Variants in PHKA1 observed in about 807,000 individuals in gnomAD.
PHKA1 encodes phosphorylase b kinase regulatory subunit alpha, skeletal muscle isoform.
A neutral mutation model predicts 110.2 loss-of-function variants in PHKA1; 60 were observed. The ratio of observed to expected loss-of-function variants is 0.54; its 90% CI spans 0.44 to 0.68. PHKA1 has a LOEUF of 0.68. PHKA1 is among the 30% of genes least tolerant of loss of function. The pLI is 0.00. For synonymous variants in PHKA1, 316 were observed against 333.6 expected, an observed-to-expected ratio of 0.95 and a Z score of 0.58; for missense variants, 801 against 942.5, an observed-to-expected ratio of 0.85 and a Z score of 1.97.
intron 3 of PHKA1, among the ~76,000 whole-genome samples, chrX:72,698,603 A>G (rs782344086): frequency 3.6e-5 from 4 of 112,615 alleles, no homozygotes; most frequent in Non-Finnish European, 7.5e-5. Flanking sequence ...TTGCTTGTGT[A>G]ATTTTTAATA....
chrX:72,582,728 T>G (rs371575006), intron 30 of PHKA1, 130 bp from the exon 31 acceptor site: 8 of 520,828 alleles, frequency 1.5e-5, no homozygotes, highest in African/African-American at 7.0e-5. Context: ...AATAACTGAG[T>G]GAGTAAACTG....
chrX:72,705,183 T>A lies in PHKA1; in HGVS notation c.285+15A>T. 2 of 1,136,550 alleles carry A rather than the reference T, an allele frequency of 1.8e-6. No homozygotes were observed. Among genetic ancestry groups the A allele is most frequent in the Non-Finnish European group, 2.4e-6 (2 of 830,240 alleles). The allele number at this position is 1,136,550 out of a possible 1,213,427, so 93.7% of individuals were successfully genotyped here. A position where few individuals can be genotyped will look rare whatever the true frequency, so the allele number is the denominator to read the frequency against. On this transcript the variant is annotated intron_variant, in intron 3 of 31. Transcript: ENST00000373542. ...TGTGCTTTTATTAGAGAGGAAGGTG[T>A]TATCAATACCATACCTGTCTGATCA...
intron 12 of PHKA1, among the ~76,000 whole-genome samples, chrX:72,651,962 T>C (rs1556299307): frequency 9.0e-6 from 1 of 111,150 alleles, no homozygotes; most frequent in Non-Finnish European, 1.9e-5. Flanking sequence ...GCTCAAAATG[T>C]CACAAAGAAG....
intron 2 of PHKA1, among the ~76,000 whole-genome samples, chrX:72,709,962 A>C (rs920978293): frequency 1.8e-4 from 19 of 105,700 alleles, no homozygotes; most frequent in Non-Finnish European, 3.1e-4. Flanking sequence ...GAATCGCTTG[A>C]ACCTGGGAGA....
intron 18 of PHKA1, 56 bp downstream of exon 18, chrX:72,623,053 A>G: frequency 1.7e-6 from 2 of 1,206,469 alleles, no homozygotes; most frequent in Non-Finnish European, 2.2e-6. Flanking sequence ...GGATGGTGCT[A>G]AACAATATTT....
Position 72,602,013 on chromosome X carries a change from A to G in PHKA1, c.3050T>C (p.Leu1017Pro), listed in dbSNP as rs1556243720. Residue 1017 changes from leucine (L) to proline (P), a missense_variant, in exon 28 of 32, where the codon CTG (leucine) becomes CCG (proline). By Grantham distance (98) the Leu-to-Pro change is moderately conservative (BLOSUM62 -3). Around this residue, in one of 2 missense-constraint regions of PHKA1, gnomAD observed 502 missense variants for 519.2 expected, o/e 0.97. Coordinates refer to ENST00000373542, the MANE Select transcript of PHKA1 (RefSeq NM_002637.4). ...CACCTGACTCTCAGCTGAGATTGACAGTCTACGAAATTCCACCTGAAACAT... is the reference window on the plus strand; with the variant it reads ...CACCTGACTCTCAGCTGAGATTGACGGTCTACGAAATTCCACCTGAAACAT... ...SEIKQVEFRR[L>P]SISAESQSPG... The G allele has an allele frequency of 1.7e-6, 2 of 1,199,179 alleles. No individual in the cohort carries two copies. The highest frequency in any genetic ancestry group is 2.3e-6 in the Non-Finnish European group (2 of 884,957).
intron 8 of PHKA1, among the ~76,000 whole-genome samples, chrX:72,664,548 C>T (rs138524615): frequency 0.013 from 1,440 of 111,178 alleles, 17 homozygotes; most frequent in African/African-American, 0.034. Context: ...CAAAGAAATA[C>T]CAGATTTAAA....
chrX:72,689,036 A>C (rs781968428), intron 4 of PHKA1: 1 of 111,560 alleles, frequency 9.0e-6, no homozygotes, highest in Non-Finnish European at 1.9e-5. Context: ...GGGCTGGATT[A>C]GACCAAAGGT....
chrX:72,645,295 C>G (rs2053347717), intron 13 of PHKA1, among the ~76,000 whole-genome samples: 1 of 112,601 alleles, frequency 8.9e-6, no homozygotes, highest in East Asian at 2.8e-4. Flanking sequence ...ACTCCTGCTC[C>G]TCTAGTGCTG....
At chrX:72,713,035 C>A in intron 1 of PHKA1, 98 bp from the exon 2 acceptor site, 1 of 868,704 alleles carries the variant, frequency 1.2e-6, no homozygotes, top group South Asian at 2.2e-5. Flanking sequence ...TTTGGTCTTT[C>A]TTCTACTTCT....
chrX:72,626,432 T>C (rs1603258459), intron 17 of PHKA1, among the ~76,000 whole-genome samples: 1 of 111,058 alleles, frequency 9.0e-6, no homozygotes, highest in South Asian at 3.9e-4. Flanking sequence ...CTTTGAGATC[T>C]AGGCAAAGAA....
intron 6 of PHKA1, among the ~76,000 whole-genome samples, chrX:72,668,962 G>T (rs1221388236): frequency 8.9e-6 from 1 of 112,508 alleles, no homozygotes; most frequent in Non-Finnish European, 1.9e-5. Context: ...CAAAAAGAAA[G>T]CAGTAACAGG....
chrX:72,658,220 G>A (rs2053519137), intron 8 of PHKA1, among the ~76,000 whole-genome samples: 1 of 111,302 alleles, frequency 9.0e-6, no homozygotes, highest in African/African-American at 3.3e-5. Context: ...AGCACTTTGG[G>A]AGGCTGAGGC....
At chrX:72,670,451 C>T (rs1556308495) in intron 6 of PHKA1, among the ~76,000 whole-genome samples, 1 of 111,384 alleles carries the variant, frequency 9.0e-6, no homozygotes, top group Non-Finnish European at 1.9e-5. Context: ...GGATAGCTTA[C>T]CAACCAAAAA....
chrX:72,675,654 A>AATG (rs781926364), intron 6 of PHKA1, among the ~76,000 whole-genome samples: 11 of 110,276 alleles, frequency 1.0e-4, no homozygotes, highest in South Asian at 7.7e-4. Flanking sequence ...TGCTGCTGCT[A>AATG]ATGATGATGA....
At chrX:72,597,717 T>A (rs1556236190) in intron 28 of PHKA1, among the ~76,000 whole-genome samples, 4 of 111,921 alleles carry the variant, frequency 3.6e-5, no homozygotes. Context: ...AATAAATTAT[T>A]GTTGACTGTA....
At position 72,602,196 on chromosome X, in the gene PHKA1, G is replaced by A. The variant is rs1556244092; in HGVS notation, c.2995C>T (p.Arg999Ter). The change falls in exon 27 of 32, where the codon CGA becomes TGA. Residue 999 changes from arginine to a stop codon, truncating the protein, a stop_gained. Coordinates refer to ENST00000373542, the MANE Select transcript of PHKA1 (RefSeq NM_002637.4). LOFTEE classifies it high-confidence loss of function. Reference protein sequence around the residue: ...IGAVGATKTERTGIMQLKSEI... With the variant: ...IGAVGATKTE ...CTTTTTAACTGCATGATCCCAGTTC[G>A]TTCTGTTTTGGTTGCTCCAACAGCA... The A allele has an allele frequency of 5.0e-6, 6 of 1,205,348 alleles. No individual in the cohort carries two copies. The highest frequency in any genetic ancestry group is 5.6e-6 in the Non-Finnish European group (5 of 890,225).
Position 72,618,743 on chromosome X carries a change from T to C in PHKA1, c.2336A>G (p.Gln779Arg). The change falls in exon 21 of 32, where the codon CAA becomes CGA. Residue 779 changes from glutamine to arginine, a missense_variant. Physicochemically the swap from Gln to Arg is conservative, Grantham distance 43. This residue lies in a region of PHKA1 where 502 missense variants were observed against 519.2 expected (regional missense o/e 0.97). Transcript: ENST00000373542. ...ATACAGCATATAGAGGATATCAGCT[T>C]GTTCCTGTAAGCTTGAGGTCTCCTT... Reference protein sequence around the residue: ...QLKETSSLQEQADILYMLYTM... With the variant: ...QLKETSSLQERADILYMLYTM... The C allele has an allele frequency of 8.3e-7, 1 of 1,199,657 alleles. No individual in the cohort carries two copies. The highest frequency in any genetic ancestry group is 1.1e-6 in the Non-Finnish European group (1 of 884,397).
intron 3 of PHKA1, 91 bp from the exon 4 acceptor site, chrX:72,695,967 A>G (rs1411232981): frequency 2.7e-6 from 2 of 728,764 alleles, no homozygotes; most frequent in African/African-American, 4.2e-5. Flanking sequence ...CATTATTGCA[A>G]TGTGAAGATA....
Sources: gnomAD v4.1 joint callset for allele counts (sites outside exome capture counted in the v4.1 genomes callset) on GRCh38, gnomAD v4.1.1 for gene constraint, gnomAD v4.1.1 regional missense constraint, MANE v1.5 for transcripts, NCBI Gene and HGNC (gene_info 2026-07-23, HGNC 2026-07-21) for gene names.